Variants in ZFYVE9 observed in about 807,000 individuals in gnomAD.
The protein encoded by ZFYVE9 is zinc finger FYVE-type containing 9, also known as zinc finger FYVE domain-containing protein 9.
In ZFYVE9, 43 loss-of-function variants were observed where a neutral mutation model predicts 126.7. The ratio of observed to expected loss-of-function variants is 0.34; its 90% CI spans 0.27 to 0.44. The LOEUF (loss-of-function observed/expected upper bound fraction) is 0.44. Ranked by LOEUF, ZFYVE9 falls within the 20% of genes least tolerant of loss-of-function variation. The pLI is 1.00. For missense variants in ZFYVE9, 1,476 were observed against 1,697.0 expected, an observed-to-expected ratio of 0.87 and a Z score of 2.29; for synonymous variants, 521 against 597.4, an observed-to-expected ratio of 0.87 and a Z score of 1.87.
At chr1:52,256,414 C>A (rs756664156) in intron 4 of ZFYVE9, among the ~76,000 whole-genome samples, 1 of 151,762 alleles carries the variant, frequency 6.6e-6, no homozygotes, top group African/African-American at 2.4e-5. Context: ...TCTTGTCGCT[C>A]AGGCTGGAGT....
At chr1:52,152,618 T>C (rs188425910) in intron 1 of ZFYVE9, among the ~76,000 whole-genome samples, 1 of 152,362 alleles carries the variant, frequency 6.6e-6, no homozygotes, top group Admixed American at 6.5e-5. Context: ...GACAAGACAG[T>C]ATCCTGTCTC....
chr1:52,333,076 C>A (rs1364762033), intron 14 of ZFYVE9, among the ~76,000 whole-genome samples, 158 bp downstream of exon 14: 2 of 152,018 alleles, frequency 1.3e-5, no homozygotes, highest in African/African-American at 4.8e-5. Context: ...TGTTGACTCC[C>A]CAAGTGGCCA....
chr1:52,300,904 G>C (rs1646027090), intron 12 of ZFYVE9, among the ~76,000 whole-genome samples: 1 of 150,174 alleles, frequency 6.7e-6, no homozygotes, highest in Non-Finnish European at 1.5e-5. Context: ...CTTTCACCCA[G>C]GTTGTAGTGC....
chr1:52,223,678 G>A (rs1645144654), intron 2 of ZFYVE9, among the ~76,000 whole-genome samples: 1 of 151,840 alleles, frequency 6.6e-6, no homozygotes, highest in African/African-American at 2.4e-5. Flanking sequence ...TTCCCTTGTT[G>A]TACATTAAAT....
intron 11 of ZFYVE9, 86 bp downstream of exon 11, chr1:52,293,763 C>A (rs552177833): frequency 3.8e-6 from 5 of 1,303,358 alleles, no homozygotes; most frequent in Non-Finnish European, 5.3e-6. Context: ...TGATATAATT[C>A]AGCAGAAATA....
At chr1:52,286,101 A>G (rs1004077421) in intron 10 of ZFYVE9, among the ~76,000 whole-genome samples, 14 of 151,868 alleles carry the variant, frequency 9.2e-5, no homozygotes, top group Admixed American at 4.6e-4. Context: ...GGTTGCAGTG[A>G]GCCAAGATCG....
chr1:52,240,479 C>T (rs1459467080), intron 4 of ZFYVE9, among the ~76,000 whole-genome samples: 1 of 152,186 alleles, frequency 6.6e-6, no homozygotes, highest in Non-Finnish European at 1.5e-5. Flanking sequence ...TACCTCCCTT[C>T]TTGCCTGATT....
At chr1:52,155,264 C>G (rs1322723348) in intron 1 of ZFYVE9, among the ~76,000 whole-genome samples, 2 of 132,666 alleles carry the variant, frequency 1.5e-5, no homozygotes, top group Non-Finnish European at 3.1e-5. Flanking sequence ...GAGACGGAGT[C>G]TCGCTGTCGC....
intron 13 of ZFYVE9, among the ~76,000 whole-genome samples, chr1:52,324,589 C>T (rs1646273571): frequency 6.6e-6 from 1 of 152,194 alleles, no homozygotes; most frequent in Non-Finnish European, 1.5e-5. Context: ...TCTCCATCCC[C>T]TAGACAGTGT....
intron 1 of ZFYVE9, among the ~76,000 whole-genome samples, chr1:52,155,378 G>A (rs1031659184): frequency 2.6e-5 from 4 of 151,964 alleles, no homozygotes; most frequent in Non-Finnish European, 5.9e-5. Context: ...GGGACTACAG[G>A]CGCCCACCAC....
intron 1 of ZFYVE9, among the ~76,000 whole-genome samples, chr1:52,169,800 G>C (rs1006565135): frequency 1.2e-4 from 18 of 152,100 alleles, no homozygotes; most frequent in African/African-American, 4.3e-4. Context: ...AATGAGATTT[G>C]ACCCCAAAAC....
At chr1:52,175,479 T>C (rs1227262123) in intron 1 of ZFYVE9, among the ~76,000 whole-genome samples, 1 of 150,940 alleles carries the variant, frequency 6.6e-6, no homozygotes, top group Non-Finnish European at 1.5e-5. Context: ...GACAATTATG[T>C]GTCTTGGAGT....
At chr1:52,216,877 AAGTTATT>A (rs1416431430) in intron 2 of ZFYVE9, among the ~76,000 whole-genome samples, 1 of 152,206 alleles carries the variant, frequency 6.6e-6, no homozygotes, top group African/African-American at 2.4e-5. Context: ...ATTTTTAGGT[AAGTTATT>A]ATGTAGAGCA....
At chr1:52,249,637 C>T (rs1645424486) in intron 4 of ZFYVE9, among the ~76,000 whole-genome samples, 1 of 152,014 alleles carries the variant, frequency 6.6e-6, no homozygotes, top group Admixed American at 6.6e-5. Context: ...TGATGAACTC[C>T]AACTTACATT....
chr1:52,192,877 T>C (rs1206629845), intron 1 of ZFYVE9, among the ~76,000 whole-genome samples: 1 of 152,190 alleles, frequency 6.6e-6, no homozygotes, highest in Non-Finnish European at 1.5e-5. Flanking sequence ...CTGCCTCTCA[T>C]TGGCAAAAAT....
chr1:52,334,809 C>T (rs774517450), intron 15 of ZFYVE9, 41 bp downstream of exon 15: 78 of 1,586,048 alleles, frequency 4.9e-5, no homozygotes, highest in Non-Finnish European at 6.5e-5. Flanking sequence ...AAGGACTGAA[C>T]TTATGTACAT....
At chr1:52,216,616 A>G (rs1451564905) in intron 2 of ZFYVE9, 142 bp downstream of exon 2, 2 of 394,260 alleles carry the variant, frequency 5.1e-6, no homozygotes, top group African/African-American at 4.1e-5. Context: ...TTTTTTTCAA[A>G]AAGATTTGAC....
At chr1:52,332,942 T>C in intron 14 of ZFYVE9, 24 bp downstream of exon 14, 3 of 1,613,712 alleles carry the variant, frequency 1.9e-6, no homozygotes, top group African/African-American at 1.3e-5. Flanking sequence ...CTGGTTGAGA[T>C]TATGATAATG....
chr1:52,296,986 T>C (rs1450608648), intron 12 of ZFYVE9, among the ~76,000 whole-genome samples: 1 of 152,178 alleles, frequency 6.6e-6, no homozygotes, highest in Non-Finnish European at 1.5e-5. Flanking sequence ...TTTGTATTTT[T>C]TGTAGAGAGA....
Sources: gnomAD v4.1 joint callset for allele counts (sites outside exome capture counted in the v4.1 genomes callset) on GRCh38, gnomAD v4.1.1 for gene constraint, MANE v1.5 for transcripts, NCBI Gene and HGNC (gene_info 2026-07-23, HGNC 2026-07-21) for gene names.